Variants in ARHGAP19 observed in about 807,000 individuals in gnomAD.
ARHGAP19 encodes Rho GTPase activating protein 19.
A neutral mutation model predicts 60.9 loss-of-function variants in ARHGAP19; 48 were observed. That is an observed-to-expected ratio of 0.79 (90% CI 0.62 to 1.00). ARHGAP19 has a LOEUF of 1.00. Among genes scored for constraint, ARHGAP19 ranks in the 50% least tolerant of loss-of-function variants. ARHGAP19 has a pLI of 0.00. For missense variants in ARHGAP19, 562 were observed against 597.2 expected (o/e 0.94, Z 0.61); for synonymous variants, 209 against 215.5 (o/e 0.97, Z 0.27).
At chr10:97,277,991 T>A (rs1406295365) in intron 1 of ARHGAP19, 3 of 152,334 alleles carry the variant, frequency 2.0e-5, no homozygotes, top group African/African-American at 7.2e-5. Context: ...TCCACCACAG[T>A]TACTACATCA....
At chr10:97,247,798 AG>A (rs1174760909) in intron 6 of ARHGAP19, among the ~76,000 whole-genome samples, 3 of 152,190 alleles carry the variant, frequency 2.0e-5, no homozygotes, top group Non-Finnish European at 4.4e-5. Flanking sequence ...AGAAAAGTGA[AG>A]TAAATGTATA....
At chr10:97,261,114 G>GTTC (rs1842824907) in intron 4 of ARHGAP19, among the ~76,000 whole-genome samples, 1 of 152,084 alleles carries the variant, frequency 6.6e-6, no homozygotes, top group Non-Finnish European at 1.5e-5. Flanking sequence ...AGAATTATTG[G>GTTC]TTCTTCCCTA....
chr10:97,267,757 C>A (rs1842916620), intron 1 of ARHGAP19, among the ~76,000 whole-genome samples: 1 of 152,232 alleles, frequency 6.6e-6, no homozygotes, highest in South Asian at 2.1e-4. Flanking sequence ...TATACACTGT[C>A]CCCTTTTAGC....
At chr10:97,284,511 TAC>T (rs1843128383) in intron 1 of ARHGAP19, among the ~76,000 whole-genome samples, 2 of 152,208 alleles carry the variant, frequency 1.3e-5, no homozygotes, top group Admixed American at 6.6e-5. Flanking sequence ...AAAAAGTATA[TAC>T]TGGGGGTTTT....
At chr10:97,263,917 T>C (rs1203714627) in intron 3 of ARHGAP19, among the ~76,000 whole-genome samples, 1 of 152,096 alleles carries the variant, frequency 6.6e-6, no homozygotes, top group Non-Finnish European at 1.5e-5. Flanking sequence ...ACCCAATCAA[T>C]GGTCAGGAAT....
chr10:97,244,357 G>T (rs1301353927), intron 7 of ARHGAP19, among the ~76,000 whole-genome samples, 198 bp from the exon 8 acceptor site: 1 of 151,968 alleles, frequency 6.6e-6, no homozygotes, highest in Non-Finnish European at 1.5e-5. Flanking sequence ...CCACTCCCAT[G>T]ACCTGCCCAG....
At chr10:97,252,997 A>T (rs77465287) in intron 6 of ARHGAP19, among the ~76,000 whole-genome samples, 6,574 of 152,214 alleles carry the variant, frequency 0.043, 208 homozygotes, top group Non-Finnish European at 0.061. Context: ...ATCCTGTCAA[A>T]TTGCAGCAAC....
At chr10:97,238,842 C>T (rs1485044710) in intron 8 of ARHGAP19, among the ~76,000 whole-genome samples, 1 of 152,204 alleles carries the variant, frequency 6.6e-6, no homozygotes, top group East Asian at 1.9e-4. Flanking sequence ...TCACTCACCA[C>T]TCACTTACTG....
chr10:97,292,483 A>C, intron 1 of ARHGAP19, 89 bp downstream of exon 1: 1 of 1,502,148 alleles, frequency 6.7e-7, no homozygotes, highest in Non-Finnish European at 9.2e-7. Context: ...CAAAGCCCGA[A>C]CCGTGCGCCT....
rs1842857695 is a variant in ARHGAP19 at position 97,263,481 on chromosome 10, T to C, written c.552A>G (p.Leu184=). 6.2e-7 allele frequency: 1 copy of C among 1,614,144 alleles called. No homozygotes were observed. Among genetic ancestry groups the C allele is most frequent in the East Asian group, 2.2e-5 (1 of 44,866 alleles). The change falls in exon 4 of 12, where the codon CTA becomes CTG. Residue 184 remains leucine, a synonymous_variant. Transcript: ENST00000358531. The part of the protein sequence containing the change: ...NDVATLLKMF[L]GELPEPLLTH... ...TCAGCAGAGGCTCCGGCAACTCTCCTAGAAACATCTTCAGCAAAGTGGCAA... is the reference window on the plus strand; with the variant it reads ...TCAGCAGAGGCTCCGGCAACTCTCCCAGAAACATCTTCAGCAAAGTGGCAA...
chr10:97,282,390 C>G (rs1201669414), intron 1 of ARHGAP19, among the ~76,000 whole-genome samples: 3 of 152,214 alleles, frequency 2.0e-5, no homozygotes, highest in African/African-American at 7.2e-5. Flanking sequence ...TATCTAACAA[C>G]ACTGAGATTT....
chr10:97,234,945 G>C (rs1213401248), intron 9 of ARHGAP19, among the ~76,000 whole-genome samples: 1 of 152,144 alleles, frequency 6.6e-6, no homozygotes, highest in East Asian at 1.9e-4. Flanking sequence ...CACTGCTCAG[G>C]AATGCAGACT....
Position 97,235,333 on chromosome 10 carries a change from G to A in ARHGAP19, c.1186-18C>T. 1 of 1,570,808 alleles carries A rather than the reference G, an allele frequency of 6.4e-7. No homozygotes were observed. Among genetic ancestry groups the A allele is most frequent in the Non-Finnish European group, 8.8e-7 (1 of 1,142,262 alleles). On this transcript the variant is annotated intron_variant, in intron 8 of 11. Transcript: ENST00000358531. ...TTATTAAACTAAAAGAAAACATGGA[G>A]AACATTTTATAAATACTTTCCCATC...
chr10:97,265,838 C>T, intron 2 of ARHGAP19, 22 bp downstream of exon 2: 2 of 1,609,314 alleles, frequency 1.2e-6, no homozygotes, highest in Non-Finnish European at 1.7e-6. Context: ...GCCTGCCCAC[C>T]CTTCACAAAC....
chr10:97,235,142 T>G lies in ARHGAP19; in HGVS notation c.1284+75A>C, dbSNP rs193038191. 781 of 1,420,486 alleles carry G rather than the reference T, an allele frequency of 5.5e-4. 4 individuals are homozygous for G. Among genetic ancestry groups the G allele is most frequent in the Middle Eastern group, 2.3e-3 (13 of 5,592 alleles). The allele number at this position is 1,420,486 out of a possible 1,614,324, so 88.0% of individuals were successfully genotyped here. A position where few individuals can be genotyped will look rare whatever the true frequency, so the allele number is the denominator to read the frequency against. ...GGTCCCCAAAAAACAGAAGAAAACT[T>G]TTTATGCATAAGAAAAATCACATTG... On this transcript the variant is annotated intron_variant, in intron 9 of 11. Transcript: ENST00000358531.
chr10:97,254,380 C>G (rs1012836512), intron 6 of ARHGAP19, among the ~76,000 whole-genome samples: 4 of 152,272 alleles, frequency 2.6e-5, no homozygotes, highest in African/African-American at 9.6e-5. Context: ...CAGAAATAAA[C>G]TCTTACATAT....
chr10:97,229,780 T>C lies in ARHGAP19; in HGVS notation c.1379A>G (p.Lys460Arg), dbSNP rs1178239612. Residue 460 changes from lysine (K) to arginine (R), a missense_variant, in exon 10 of 12, where the codon AAA becomes AGA. By Grantham distance (26) the Lys-to-Arg change is conservative. Transcript: ENST00000358531. ...VAIGELKGTSKENRNLLFSGS... is the reference protein window; with the variant it reads ...VAIGELKGTSRENRNLLFSGS... The stretch of plus-strand genomic sequence containing the variant: ...GTGTCTTACTAAGTTCCTATTTTCT[T>C]TGCTGGTTCCCTTCAATTCACCAAT... 1.2e-6 allele frequency: 2 copies of C among 1,605,918 alleles called. No individual in the cohort carries two copies. Among genetic ancestry groups the C allele is most frequent in the Non-Finnish European group, 1.7e-6 (2 of 1,173,568 alleles).
rs1850840137 is a variant in ARHGAP19, at chr10:97,223,358, C to G, written c.*2764G>C. The G allele has an allele frequency of 6.6e-6, 1 of 152,172 alleles. No individual in the cohort carries two copies. The highest frequency in any genetic ancestry group is 1.5e-5 in the Non-Finnish European group (1 of 68,044). The allele number at this position is 152,172 out of a possible 1,614,324, so 9.4% of individuals were successfully genotyped here. ...TTCACTACTACAGCAGGGTTTTTCA[C>G]ACCAGATTCATTGGTCCCAATGCAA... On this transcript the variant is annotated 3_prime_UTR_variant, in exon 12 of 12. Coordinates refer to ENST00000358531, the MANE Select transcript of ARHGAP19 (RefSeq NM_032900.6).
intron 8 of ARHGAP19, among the ~76,000 whole-genome samples, chr10:97,238,360 C>T (rs926507558): frequency 6.6e-6 from 1 of 152,174 alleles, no homozygotes; most frequent in Non-Finnish European, 1.5e-5. Flanking sequence ...GCTAGGACTA[C>T]AGGCACACAC....
Sources: gnomAD v4.1 joint callset for allele counts (sites outside exome capture counted in the v4.1 genomes callset) on GRCh38, gnomAD v4.1.1 for gene constraint, MANE v1.5 for transcripts, NCBI Gene and HGNC (gene_info 2026-07-23, HGNC 2026-07-21) for gene names.